Variants in SLC10A7 observed in about 807,000 individuals in gnomAD.
SLC10A7 encodes the protein solute carrier family 10 member 7.
In SLC10A7, 29 loss-of-function variants were observed where a neutral mutation model predicts 43.2. That is an observed-to-expected ratio of 0.67 (90% CI 0.50 to 0.92). SLC10A7 has a LOEUF of 0.92. SLC10A7 is among the 40% of genes least tolerant of loss of function. The pLI is 0.00. For synonymous variants in SLC10A7, 152 were observed against 144.8 expected, an observed-to-expected ratio of 1.05 and a Z score of -0.35; for missense variants, 295 against 403.2, an observed-to-expected ratio of 0.73 and a Z score of 2.30.
intron 6 of SLC10A7, among the ~76,000 whole-genome samples, chr4:146,314,956 T>C (rs1732226987): frequency 6.6e-6 from 1 of 152,166 alleles, no homozygotes; most frequent in South Asian, 2.1e-4. Context: ...TTTGTTTCTA[T>C]GGTGTGAACA....
chr4:146,442,813 T>C lies in SLC10A7; in HGVS notation c.405A>G (p.Ala135=), dbSNP rs761487360. The stretch of plus-strand genomic sequence containing the variant: ...AACTTCCAAAGGCTGAATTAAATAT[T>C]GCAGCTGCCTATGAAGAAAATAAAT... ...TKAVGGNEAA[A]IFNSAFGSFL... The change falls in exon 5 of 12, where the codon GCA becomes GCG. Residue 135 remains alanine (A), a synonymous_variant. Coordinates refer to ENST00000335472, the MANE Select transcript of SLC10A7 (RefSeq NM_001029998.6). 5 of 1,590,666 alleles carry C rather than the reference T, an allele frequency of 3.1e-6. No homozygotes were observed. In the South Asian group the frequency reaches 5.8e-5, roughly 18 times the overall value.
chr4:146,394,046 AT>A (rs1738635162), intron 5 of SLC10A7, among the ~76,000 whole-genome samples: 1 of 152,196 alleles, frequency 6.6e-6, no homozygotes, highest in South Asian at 2.1e-4. Flanking sequence ...TAGCTAAAAT[AT>A]GGGAATCTAA....
intron 4 of SLC10A7, among the ~76,000 whole-genome samples, chr4:146,445,715 G>A (rs1408733289): frequency 1.3e-5 from 2 of 152,074 alleles, no homozygotes; most frequent in African/African-American, 4.8e-5. Context: ...GGACTTTGTT[G>A]AGCGGTGGAA....
chr4:146,357,132 A>G (rs1248024869), intron 5 of SLC10A7, among the ~76,000 whole-genome samples: 2 of 152,230 alleles, frequency 1.3e-5, no homozygotes, highest in African/African-American at 4.8e-5. Flanking sequence ...CTTTGTTCTG[A>G]GTAGTATATG....
intron 5 of SLC10A7, among the ~76,000 whole-genome samples, chr4:146,425,553 A>T (rs571864316): frequency 3.1e-4 from 47 of 152,276 alleles, no homozygotes; most frequent in African/African-American, 1.1e-3. Flanking sequence ...GCAACTATAG[A>T]CGATACAAAA....
At chr4:146,389,260 A>G (rs1252370938) in intron 5 of SLC10A7, among the ~76,000 whole-genome samples, 3 of 152,020 alleles carry the variant, frequency 2.0e-5, no homozygotes, top group Non-Finnish European at 2.9e-5. Context: ...AGACCTCACC[A>G]CTATGCAATA....
intron 5 of SLC10A7, among the ~76,000 whole-genome samples, chr4:146,350,046 G>A (rs1734928656): frequency 6.6e-6 from 1 of 152,024 alleles, no homozygotes; most frequent in African/African-American, 2.4e-5. Context: ...GGCCGAATAG[G>A]AACAGCTCCC....
chr4:146,517,166 A>C (rs1483202194), intron 1 of SLC10A7, 46 bp from the exon 2 acceptor site: 1 of 1,462,766 alleles, frequency 6.8e-7, no homozygotes, highest in Admixed American at 1.8e-5. Context: ...ATTTCAGTAG[A>C]TAACTTGGCA....
chr4:146,256,819 T>G (rs1192348065), intron 11 of SLC10A7: 2 of 1,527,024 alleles, frequency 1.3e-6, no homozygotes, highest in Non-Finnish European at 1.8e-6. Context: ...GAGGCACTCA[T>G]GGATACCTGG....
chr4:146,516,948 T>A, intron 2 of SLC10A7, 90 bp downstream of exon 2: 2 of 979,718 alleles, frequency 2.0e-6, no homozygotes, highest in Non-Finnish European at 3.0e-6. Context: ...ATTATAGCTA[T>A]AAACAGCTTT....
At chr4:146,322,975 A>T (rs1732837777) in intron 6 of SLC10A7, among the ~76,000 whole-genome samples, 1 of 152,188 alleles carries the variant, frequency 6.6e-6, no homozygotes, top group East Asian at 1.9e-4. Context: ...ATGGCCAGTG[A>T]TGATGAGCAT....
At chr4:146,303,529 C>A (rs1333706045) in intron 7 of SLC10A7, among the ~76,000 whole-genome samples, 1 of 151,842 alleles carries the variant, frequency 6.6e-6, no homozygotes, top group Non-Finnish European at 1.5e-5. Flanking sequence ...CGGCACCCAC[C>A]ACCACACCCA....
intron 5 of SLC10A7, among the ~76,000 whole-genome samples, chr4:146,379,577 A>G (rs558047497): frequency 6.6e-6 from 1 of 152,346 alleles, no homozygotes; most frequent in East Asian, 1.9e-4. Context: ...GAATAACTGA[A>G]GAGATCAGAA....
At chr4:146,338,666 T>C (rs1734055558) in intron 5 of SLC10A7, among the ~76,000 whole-genome samples, 1 of 151,738 alleles carries the variant, frequency 6.6e-6, no homozygotes, top group African/African-American at 2.4e-5. Flanking sequence ...ACACAAGGAG[T>C]AGCATTTTAG....
At chr4:146,319,606 G>A (rs1479979861) in intron 6 of SLC10A7, among the ~76,000 whole-genome samples, 4 of 151,986 alleles carry the variant, frequency 2.6e-5, no homozygotes, top group Admixed American at 6.6e-5. Context: ...TCCCACACCT[G>A]GGATGGTGTC....
intron 5 of SLC10A7, among the ~76,000 whole-genome samples, chr4:146,424,891 T>C (rs1479204390): frequency 6.6e-6 from 1 of 152,082 alleles, no homozygotes; most frequent in African/African-American, 2.4e-5. Flanking sequence ...GTCAGAACAG[T>C]ATAGTGTTGA....
intron 5 of SLC10A7, chr4:146,442,084 A>G: frequency 2.0e-6 from 2 of 978,278 alleles, no homozygotes; most frequent in Non-Finnish European, 2.4e-6. Flanking sequence ...TAAGGCACAA[A>G]AAAATTAAAT....
At chr4:146,472,133 C>T (rs1209212020) in intron 4 of SLC10A7, among the ~76,000 whole-genome samples, 1 of 152,056 alleles carries the variant, frequency 6.6e-6, no homozygotes, top group African/African-American at 2.4e-5. Context: ...GAGGGACAAA[C>T]ATTAAAGAAT....
At chr4:146,414,598 T>C (rs1369140121) in intron 5 of SLC10A7, among the ~76,000 whole-genome samples, 2 of 151,792 alleles carry the variant, frequency 1.3e-5, no homozygotes, top group African/African-American at 4.8e-5. Context: ...GTGGTCCATG[T>C]CTGTAATCCC....
Sources: allele counts gnomAD v4.1 joint callset (sites outside exome capture counted in the v4.1 genomes callset), GRCh38; gene constraint gnomAD v4.1.1; transcripts MANE v1.5; gene names NCBI Gene and HGNC (gene_info 2026-07-23, HGNC 2026-07-21).